The following ASIC2 variants were observed in gnomAD, a reference collection of about 807,000 sequenced individuals.
ASIC2 encodes acid sensing ion channel subunit 2, also known as acid-sensing ion channel 2.
Under a neutral mutation model 57.3 loss-of-function variants are expected in ASIC2, and 25 were observed. The ratio of observed to expected loss-of-function variants is 0.44; its 90% confidence interval spans 0.32 to 0.61. The LOEUF (loss-of-function observed/expected upper bound fraction) is 0.61, where lower values mean the gene tolerates loss of function less well. Among genes scored for constraint, ASIC2 ranks in the 20% least tolerant of loss-of-function variants. The pLI is 0.06. For synonymous variants in ASIC2, 319 were observed against 307.5 expected (o/e 1.04, Z -0.39); for missense variants, 641 against 738.1 (o/e 0.87, Z 1.52).
chr17:33,436,745 G>C (rs1268115904), intron 1 of ASIC2, among the ~76,000 whole-genome samples: 4 of 150,838 alleles, frequency 2.7e-5, no homozygotes, highest in South Asian at 2.1e-4. Context: ...CAGTGACTTG[G>C]TTATTTTCTG....
intron 1 of ASIC2, among the ~76,000 whole-genome samples, chr17:33,343,702 GTCTGTGTTCACT>G (rs1385670931): frequency 3.3e-5 from 5 of 152,108 alleles, no homozygotes; most frequent in Non-Finnish European, 7.3e-5. Flanking sequence ...GCATTTTCCA[GTCTGTGTTCACT>G]TCTGTGTTCA....
chr17:33,280,994 G>A (rs73281678), intron 1 of ASIC2, among the ~76,000 whole-genome samples: 3,022 of 152,282 alleles, frequency 0.02, 98 homozygotes, highest in African/African-American at 0.069. Context: ...AGAATCAGAT[G>A]GGGATGGCCA....
intron 1 of ASIC2, among the ~76,000 whole-genome samples, chr17:33,483,077 A>C (rs1398380382): frequency 1.3e-5 from 2 of 152,172 alleles, no homozygotes; most frequent in Admixed American, 6.5e-5. Context: ...GGCTGAAGAA[A>C]GACCTTTCAG....
chr17:34,131,281 G>C lies in ASIC2; in HGVS notation c.555+24697C>G, dbSNP rs116219366. On this transcript the variant is annotated intron_variant, in intron 1 of 9. Transcript: ENST00000359872. ...GCTGTGTTTCAGACAGGGCCATTTG[G>C]TCATGGGAATAATGGGGATGGAAGA... Among the ~76,000 whole-genome samples the C allele has an allele frequency of 4.6e-3, 689 of 151,394 alleles. 5 individuals carry two copies. The highest frequency in any genetic ancestry group is 0.016 in the African/African-American group (662 of 41,502).
chr17:33,739,067 G>A (rs1270296038), intron 1 of ASIC2, among the ~76,000 whole-genome samples: 1 of 152,200 alleles, frequency 6.6e-6, no homozygotes, highest in East Asian at 1.9e-4. Flanking sequence ...TGACAAAATG[G>A]CAGTGCTGTG....
chr17:33,155,550 T>TTCTA (rs1340713561), intron 1 of ASIC2, among the ~76,000 whole-genome samples: 16 of 128,908 alleles, frequency 1.2e-4, no homozygotes, highest in Non-Finnish European at 2.7e-4. Flanking sequence ...CTTTTTTCTC[T>TTCTA]TCTTTCTTTC....
At position 33,599,013 on chromosome 17, in the gene ASIC2, G is replaced by T. The variant is rs537293153; in HGVS notation, c.556-486946C>A. Among the ~76,000 whole-genome samples, 4 of 152,280 alleles carry T rather than the reference G, an allele frequency of 2.6e-5. No homozygotes were observed. The East Asian group carries it at 7.7e-4, about 29-fold the overall frequency. ...CCTTACGCAATCAACAAAGGGCTGC[G>T]CCTGTATGCACACATATGCCCATCT... On this transcript the variant is annotated intron_variant, in intron 1 of 9. Transcript: ENST00000359872.
At chr17:33,797,122 C>T (rs188677507) in intron 1 of ASIC2, among the ~76,000 whole-genome samples, 215 of 152,244 alleles carry the variant, frequency 1.4e-3, no homozygotes, top group Middle Eastern at 3.4e-3. Flanking sequence ...TGACGCAGTG[C>T]CCAGTACATC....
intron 1 of ASIC2, among the ~76,000 whole-genome samples, chr17:33,511,795 A>T (rs538904206): frequency 6.6e-6 from 1 of 152,330 alleles, no homozygotes; most frequent in African/African-American, 2.4e-5. Context: ...AACACTTAGG[A>T]TAAAGACCCA....
intron 3 of ASIC2, among the ~76,000 whole-genome samples, chr17:33,064,237 T>C (rs2092033476): frequency 6.6e-6 from 1 of 152,242 alleles, no homozygotes; most frequent in African/African-American, 2.4e-5. Context: ...AGAGGCGCTC[T>C]GATTTTTAGA....
At chr17:33,195,578 A>C (rs900262176) in intron 1 of ASIC2, among the ~76,000 whole-genome samples, 3 of 152,220 alleles carry the variant, frequency 2.0e-5, no homozygotes, top group African/African-American at 7.2e-5. Flanking sequence ...ACTTTTTTAC[A>C]TTAAGAAATA....
In ASIC2 at chr17:34,099,130, GAGAGAGAGAGAGAGAC is replaced by G. The variant is rs1318409533; in HGVS notation, c.555+56832_555+56847del. On this transcript the variant is annotated intron_variant, in intron 1 of 9. Coordinates refer to the ASIC2 transcript ENST00000359872. ...AGAGAGAGAGAGAGAGAGAGAGAGA[GAGAGAGAGAGAGAGAC>G]AGAGAGAGAGAGAGAGAGAAAGAAA... Among the ~76,000 whole-genome samples the G allele has an allele frequency of 2.4e-3, 225 of 92,156 alleles. 7 individuals are homozygous for G. Among genetic ancestry groups the G allele is most frequent in the African/African-American group, 0.015 (215 of 13,916 alleles). The allele number at this position is 92,156 out of a possible 152,430, so 60.5% of individuals were successfully genotyped here.
intron 1 of ASIC2, among the ~76,000 whole-genome samples, chr17:33,151,265 T>C (rs1009435328): frequency 6.6e-6 from 1 of 151,050 alleles, no homozygotes; most frequent in Non-Finnish European, 1.5e-5. Flanking sequence ...TCTCAGCTAC[T>C]CTGGAGGCTG....
intron 1 of ASIC2, among the ~76,000 whole-genome samples, chr17:34,067,654 T>C (rs1909220307): frequency 6.6e-6 from 1 of 152,230 alleles, no homozygotes; most frequent in Non-Finnish European, 1.5e-5. Context: ...ATAACTTAAC[T>C]GTCTTTAAAA....
At chr17:34,017,261 G>A (rs1195700037) in intron 1 of ASIC2, among the ~76,000 whole-genome samples, 1 of 152,172 alleles carries the variant, frequency 6.6e-6, no homozygotes, top group Non-Finnish European at 1.5e-5. Context: ...TGATGTAATT[G>A]TTTGGGGGCA....
intron 3 of ASIC2, among the ~76,000 whole-genome samples, chr17:33,065,522 G>T (rs776705829): frequency 5.9e-5 from 9 of 151,922 alleles, no homozygotes; most frequent in Admixed American, 2.0e-4. Context: ...TTGCTTTGTC[G>T]CCCAGGCTGG....
chr17:33,558,689 T>G (rs1915982360), intron 1 of ASIC2, among the ~76,000 whole-genome samples: 1 of 152,204 alleles, frequency 6.6e-6, no homozygotes, highest in Non-Finnish European at 1.5e-5. Flanking sequence ...GTAACCTGAA[T>G]GTAAATGAAT....
intron 1 of ASIC2, among the ~76,000 whole-genome samples, chr17:33,310,584 A>C (rs1906369762): frequency 6.6e-6 from 1 of 152,196 alleles, no homozygotes; most frequent in Non-Finnish European, 1.5e-5. Context: ...CTCAGAACCA[A>C]GTAAAAAATG....
chr17:33,475,298 TTA>T (rs1027807527), intron 1 of ASIC2, among the ~76,000 whole-genome samples: 3 of 133,150 alleles, frequency 2.3e-5, no homozygotes, highest in Non-Finnish European at 1.6e-5. Flanking sequence ...AGGTCTTTTT[TTA>T]AAAAAAAAGA....
Sources: gnomAD v4.1 joint callset for allele counts (sites outside exome capture counted in the v4.1 genomes callset) on GRCh38, gnomAD v4.1.1 for gene constraint, MANE v1.5 for transcripts, NCBI Gene and HGNC (gene_info 2026-07-23, HGNC 2026-07-21) for gene names.